RIMBP2: variants seen among roughly 807,000 people sequenced by gnomAD.
The protein encoded by RIMBP2 is RIMS-binding protein 2.
In RIMBP2, 48 loss-of-function variants were observed where a neutral mutation model predicts 118.6. That is an observed-to-expected ratio of 0.40 (90% CI 0.32 to 0.51). The LOEUF (loss-of-function observed/expected upper bound fraction) is 0.51, where lower values mean the gene tolerates loss of function less well. Ranked by LOEUF, RIMBP2 falls within the 20% of genes least tolerant of loss-of-function variation. RIMBP2 has a pLI of 0.41. For synonymous variants in RIMBP2, 762 were observed against 742.9 expected (o/e 1.03, Z -0.42); for missense variants, 1,551 against 1,768.3 (o/e 0.88, Z 2.20).
chr12:130,489,743 T>C (rs1272186420), intron 4 of RIMBP2, among the ~76,000 whole-genome samples: 2 of 152,336 alleles, frequency 1.3e-5, no homozygotes, highest in East Asian at 3.9e-4. Flanking sequence ...TCCCTCCATT[T>C]GAAATACCTT....
At chr12:130,608,247 A>G (rs1008259822) in intron 2 of RIMBP2, among the ~76,000 whole-genome samples, 1 of 152,204 alleles carries the variant, frequency 6.6e-6, no homozygotes, top group Admixed American at 6.5e-5. Context: ...ACAACACACA[A>G]CAGGACAATG....
chr12:130,438,580 G>A (rs913490499), intron 11 of RIMBP2, 64 bp from the exon 12 acceptor site: 48 of 1,412,644 alleles, frequency 3.4e-5, no homozygotes, highest in African/African-American at 1.0e-4. Context: ...AGCCGTGACT[G>A]GGCTCTGCCC....
intron 10 of RIMBP2, among the ~76,000 whole-genome samples, 173 bp downstream of exon 10, chr12:130,444,987 G>T (rs1467845109): frequency 5.3e-5 from 8 of 152,216 alleles, no homozygotes; most frequent in Non-Finnish European, 2.9e-5. Context: ...TTTCTTTCCA[G>T]TCGTCAAAGA....
chr12:130,590,862 G>A (rs910303373), intron 2 of RIMBP2, among the ~76,000 whole-genome samples: 3 of 152,170 alleles, frequency 2.0e-5, no homozygotes, highest in Non-Finnish European at 4.4e-5. Flanking sequence ...TCACCCGGAT[G>A]GCTGGCTGGC....
chr12:130,715,157 G>A (rs1407858260), intron 1 of RIMBP2, among the ~76,000 whole-genome samples: 1 of 152,226 alleles, frequency 6.6e-6, no homozygotes, highest in African/African-American at 2.4e-5. Flanking sequence ...GACGAAGTGG[G>A]GTTTTCACCC....
At chr12:130,631,681 C>CAA (rs201707473) in intron 1 of RIMBP2, among the ~76,000 whole-genome samples, 1 of 135,266 alleles carries the variant, frequency 7.4e-6, no homozygotes, top group African/African-American at 2.7e-5. Context: ...ACTGGTAAGT[C>CAA]AAAAAAAAAA....
In RIMBP2 at chr12:130,643,621, C is replaced by T. The variant is rs59770494; in HGVS notation, c.-351-15165G>A. On this transcript the variant is annotated intron_variant, in intron 1 of 22. Coordinates refer to ENST00000690449, the MANE Select transcript of RIMBP2 (RefSeq NM_001393629.1). ...GATAAGAAAACAAATTCTATACATG[C>T]GGAGGGAAAGCAAGCCCACCCAGGC... Among the ~76,000 whole-genome samples, 216 of 152,248 alleles carry T rather than the reference C, an allele frequency of 1.4e-3. 1 individual carries two copies. In the East Asian group the frequency reaches 0.036, roughly 26 times the overall value.
At chr12:130,629,491 A>G (rs2061849220) in intron 1 of RIMBP2, among the ~76,000 whole-genome samples, 1 of 152,214 alleles carries the variant, frequency 6.6e-6, no homozygotes, top group South Asian at 2.1e-4. Flanking sequence ...AGGGAAACAC[A>G]TCTAGGCAGG....
chr12:130,497,387 T>C (rs1288631604), intron 4 of RIMBP2, among the ~76,000 whole-genome samples: 2 of 152,204 alleles, frequency 1.3e-5, no homozygotes, highest in Non-Finnish European at 2.9e-5. Context: ...TAACTGCTTC[T>C]AGATTGAGCT....
At chr12:130,458,086 C>T (rs1426826013) in intron 6 of RIMBP2, among the ~76,000 whole-genome samples, 3 of 147,894 alleles carry the variant, frequency 2.0e-5, no homozygotes, top group East Asian at 2.0e-4. Flanking sequence ...TCCCCTCCTC[C>T]GCCCCTCCTC....
intron 1 of RIMBP2, among the ~76,000 whole-genome samples, chr12:130,655,961 C>T (rs996162630): frequency 2.6e-5 from 4 of 152,200 alleles, no homozygotes; most frequent in African/African-American, 7.2e-5. Flanking sequence ...CTGGTGGGAG[C>T]GCTGTCCTGG....
At chr12:130,598,163 G>A (rs1309031579) in intron 2 of RIMBP2, among the ~76,000 whole-genome samples, 2 of 152,056 alleles carry the variant, frequency 1.3e-5, no homozygotes, top group African/African-American at 4.8e-5. Flanking sequence ...ATATCTACAG[G>A]CACACTTGAC....
chr12:130,535,940 C>G (rs368405906), intron 2 of RIMBP2, among the ~76,000 whole-genome samples: 133 of 151,752 alleles, frequency 8.8e-4, no homozygotes, highest in African/African-American at 2.9e-3. Context: ...CCACCATATC[C>G]GCTGATTTTT....
At chr12:130,566,627 G>A (rs1453234024) in intron 2 of RIMBP2, among the ~76,000 whole-genome samples, 2 of 152,196 alleles carry the variant, frequency 1.3e-5, no homozygotes, top group Non-Finnish European at 2.9e-5. Flanking sequence ...AGTTGGAAGT[G>A]ATCCATCACC....
intron 2 of RIMBP2, among the ~76,000 whole-genome samples, chr12:130,535,268 A>G (rs2053885890): frequency 6.6e-6 from 1 of 152,106 alleles, no homozygotes; most frequent in Non-Finnish European, 1.5e-5. Context: ...GGAGTCCGAG[A>G]TGGGAGAATC....
At position 130,640,641 on chromosome 12, in the gene RIMBP2, C is replaced by T. The variant is rs115359097; in HGVS notation, c.-351-12185G>A. Reference sequence around the variant, plus strand: ...GCACTGTGATGACCTGCGCTTGTTACGAGGGAGACACCACGGCCGGCCCAG... The same window carrying T: ...GCACTGTGATGACCTGCGCTTGTTATGAGGGAGACACCACGGCCGGCCCAG... On this transcript the variant is annotated intron_variant, in intron 1 of 22. Transcript: ENST00000690449. 6.5e-3 allele frequency among the ~76,000 whole-genome samples: 983 copies of T among 152,282 alleles called. 6 individuals carry two copies. Among genetic ancestry groups the T allele is most frequent in the African/African-American group, 0.022 (933 of 41,572 alleles).
At chr12:130,708,039 G>C (rs1385554628) in intron 1 of RIMBP2, among the ~76,000 whole-genome samples, 1 of 152,128 alleles carries the variant, frequency 6.6e-6, no homozygotes, top group Non-Finnish European at 1.5e-5. Context: ...CCACACAGTG[G>C]AATATTATTC....
At chr12:130,489,041 G>A (rs1222429603) in intron 4 of RIMBP2, among the ~76,000 whole-genome samples, 1 of 152,172 alleles carries the variant, frequency 6.6e-6, no homozygotes, top group East Asian at 1.9e-4. Context: ...TGAGAAAATG[G>A]AGCTTAAACA....
intron 2 of RIMBP2, among the ~76,000 whole-genome samples, chr12:130,550,043 G>A (rs2055584966): frequency 6.6e-6 from 1 of 152,134 alleles, no homozygotes; most frequent in African/African-American, 2.4e-5. Context: ...TTTAACAATA[G>A]CCATTCTGAC....
Sources: gnomAD v4.1 joint callset for allele counts (sites outside exome capture counted in the v4.1 genomes callset) on GRCh38, gnomAD v4.1.1 for gene constraint, MANE v1.5 for transcripts, NCBI Gene and HGNC (gene_info 2026-07-23, HGNC 2026-07-21) for gene names.